Variants in PRKDC observed in about 807,000 individuals in gnomAD.
PRKDC encodes protein kinase, DNA-activated, catalytic subunit.
In PRKDC, 82 loss-of-function variants were observed where a neutral mutation model predicts 486.9. That is an observed-to-expected ratio of 0.17 (90% CI 0.14 to 0.20). The LOEUF is 0.20. Among genes scored for constraint, PRKDC ranks in the 10% least tolerant of loss-of-function variants. PRKDC has a pLI of 1.00. For synonymous variants in PRKDC, 1,895 were observed against 1,837.0 expected, an observed-to-expected ratio of 1.03 and a Z score of -0.81; for missense variants, 4,504 against 5,038.2, an observed-to-expected ratio of 0.89 and a Z score of 3.21.
intron 40 of PRKDC, among the ~76,000 whole-genome samples, chr8:47,870,834 A>G (rs1041357246): frequency 2.6e-5 from 4 of 152,200 alleles, no homozygotes; most frequent in Admixed American, 2.0e-4. Flanking sequence ...ATTCAACATA[A>G]TACAGAAAAG....
In PRKDC at chr8:47,774,243, C is replaced by T; in HGVS notation, c.12317G>A (p.Cys4106Tyr). The T allele has an allele frequency of 1.2e-6, 2 of 1,605,118 alleles. No individual in the cohort carries two copies. The highest frequency in any genetic ancestry group is 1.7e-6 in the Non-Finnish European group (2 of 1,175,932). Reference protein sequence around the residue: ...SGLSEETQVKCLMDQATDPNI... With the variant: ...SGLSEETQVKYLMDQATDPNI... ...GGGGTCTGTTGCCTGGTCCATCAGG[C>T]ACTTCACTTGAGTCTCTTCTGAAAG... Residue 4106 changes from cysteine (C) to tyrosine (Y), a missense_variant, in exon 86 of 86, where the codon TGC (cysteine) becomes TAC (tyrosine). This residue lies in a region of PRKDC where 706 missense variants were observed against 945.0 expected (regional missense o/e 0.75). Transcript: ENST00000314191.
Position 47,879,523 on chromosome 8 carries a change from G to T in PRKDC, c.5203C>A (p.Arg1735=). The part of the protein sequence containing the change: ...QSREFPPGTP[R]FNNYVDCMKK... Reference sequence around the variant, plus strand: ...ATGCAGTCCACATAATTATTGAACCGCGGAGTTCCTGGAGGAAATTCCCTG... The same window carrying T: ...ATGCAGTCCACATAATTATTGAACCTCGGAGTTCCTGGAGGAAATTCCCTG... Residue 1735 remains arginine, a synonymous_variant, in exon 39 of 86, where the codon CGG becomes AGG. Coordinates refer to ENST00000314191, the MANE Select transcript of PRKDC (RefSeq NM_006904.7). The T allele has an allele frequency of 6.3e-7, 1 of 1,596,544 alleles. No homozygotes were observed. The highest frequency in any genetic ancestry group is 1.7e-5 in the Admixed American group (1 of 57,386).
Position 47,799,306 on chromosome 8 carries a change from A to G in PRKDC, c.10201T>C (p.Trp3401Arg). The change falls in exon 72 of 86, where the codon TGG (tryptophan) becomes CGG (arginine). Residue 3401 changes from tryptophan to arginine, a missense_variant. This residue lies in a region of PRKDC where 706 missense variants were observed against 945.0 expected (regional missense o/e 0.75). Transcript: ENST00000314191. ...ACCCCAGCTGCAGGCCCACAGCTCC[A>G]GGAGGGAGGCTGGGCCTCCTCCTCA... ...AAEEEAQPPS[W>R]SCGPAAGVID... The G allele has an allele frequency of 1.2e-6, 2 of 1,613,490 alleles. No homozygotes were observed.
rs1479450825 is a variant in PRKDC, at chr8:47,823,939, T to C, written c.8841A>G (p.Ile2947Met). ...DVLRGIFTSE[I>M]GTKQITQSAL... is the part of the protein sequence containing the mutation. ...CACTCTGAGTGATTTGCTTTGTTCC[T>C]ATCTCACTGGTAAAAATCCCACGGA... is the stretch of plus-strand genomic sequence containing the variant. Residue 2947 changes from isoleucine (I) to methionine (M), a missense_variant, in exon 64 of 86, where the codon ATA becomes ATG. Around this residue, in one of 6 missense-constraint regions of PRKDC, gnomAD observed 1,592 missense variants for 1,724.6 expected, o/e 0.92. Coordinates refer to ENST00000314191, the MANE Select transcript of PRKDC (RefSeq NM_006904.7). 5 of 1,613,812 alleles carry C rather than the reference T, an allele frequency of 3.1e-6. No individual in the cohort carries two copies. Among genetic ancestry groups the C allele is most frequent in the African/African-American group, 1.3e-5 (1 of 75,062 alleles).
intron 39 of PRKDC, 114 bp downstream of exon 39, chr8:47,879,377 G>T (rs2089158291): frequency 3.3e-6 from 3 of 906,030 alleles, no homozygotes; most frequent in Non-Finnish European, 4.9e-6. Context: ...TAACCTATTG[G>T]GTGGTTTACA....
chr8:47,905,066 T>C, intron 25 of PRKDC, 90 bp from the exon 26 acceptor site: 6 of 895,776 alleles, frequency 6.7e-6, no homozygotes, highest in Non-Finnish European at 8.7e-6. Flanking sequence ...ATTTGCAGTA[T>C]AAAATTAAGT....
At chr8:47,894,795 T>A (rs1168135138) in intron 30 of PRKDC, among the ~76,000 whole-genome samples, 2 of 152,124 alleles carry the variant, frequency 1.3e-5, no homozygotes, top group Non-Finnish European at 2.9e-5. Context: ...GGAAGCTAGA[T>A]GCAATGGCTT....
At chr8:47,778,362 G>A (rs1046886298) in intron 83 of PRKDC, 97 bp downstream of exon 83, 1 of 1,302,260 alleles carries the variant, frequency 7.7e-7, no homozygotes, top group Non-Finnish European at 1.0e-6. Context: ...TAACTAATAT[G>A]TTGTTTTTCC....
rs1479536282 is a variant in PRKDC, at chr8:47,960,047, G to A, written c.80C>T (p.Ala27Val). The change falls in exon 1 of 86, where the codon GCT becomes GTT. Residue 27 changes from alanine to valine, a missense_variant. By Grantham distance (64) the Ala-to-Val change is moderately conservative. Around this residue, in one of 6 missense-constraint regions of PRKDC, gnomAD observed 145 missense variants for 136.3 expected, o/e 1.06. Transcript: ENST00000314191. ...GATCAGTTGATGACCGGCCAGGGCA[G>A]CACCGCAGCGGTCCGCAGCGGACAA... ...ETLSAADRCG[A>V]ALAGHQLIRG... 1.3e-6 allele frequency: 2 copies of A among 1,533,294 alleles called. No individual in the cohort carries two copies. Among genetic ancestry groups the A allele is most frequent in the South Asian group, 1.2e-5 (1 of 83,968 alleles). The allele number at this position is 1,533,294 out of a possible 1,614,324, so 95.0% of individuals were successfully genotyped here.
At chr8:47,888,882 G>T in intron 33 of PRKDC, 132 bp downstream of exon 33, 2 of 1,087,292 alleles carry the variant, frequency 1.8e-6, no homozygotes, top group Non-Finnish European at 2.6e-6. Flanking sequence ...CAACTATTGA[G>T]GTCACTGGCA....
intron 7 of PRKDC, among the ~76,000 whole-genome samples, chr8:47,951,768 A>G (rs1332507394): frequency 1.3e-5 from 2 of 152,218 alleles, no homozygotes; most frequent in Non-Finnish European, 2.9e-5. Context: ...CTCAACAAAA[A>G]GTCAAACAAA....
In PRKDC at chr8:47,834,220, C is replaced by T. The variant is rs775814213; in HGVS notation, c.8128G>A (p.Asp2710Asn). Residue 2710 changes from aspartate to asparagine, a missense_variant, in exon 59 of 86, where the codon GAC (aspartate) becomes AAC (asparagine). Physicochemically the swap from Asp to Asn is conservative, Grantham distance 23. Coordinates refer to ENST00000314191, the MANE Select transcript of PRKDC (RefSeq NM_006904.7). ...CCTTTCACTTTGTTATCCACCTCGT[C>T]CCCTGGAAGGCCCAGCCTTTTTTTC... ...FGKKRLGLPG[D>N]EVDNKVKGAA... 10 of 1,614,034 alleles carry T rather than the reference C, an allele frequency of 6.2e-6. No homozygotes were observed. In the South Asian group the frequency reaches 1.1e-4, roughly 18 times the overall value.
intron 5 of PRKDC, among the ~76,000 whole-genome samples, 192 bp downstream of exon 5, chr8:47,954,146 G>T (rs1223656486): frequency 6.6e-6 from 1 of 151,940 alleles, no homozygotes; most frequent in African/African-American, 2.4e-5. Context: ...GAATAATTTT[G>T]TAAAAATTAA....
chr8:47,954,026 T>C (rs1421937673), intron 5 of PRKDC, 107 bp from the exon 6 acceptor site: 4 of 650,840 alleles, frequency 6.1e-6, no homozygotes, highest in Non-Finnish European at 7.4e-6. Context: ...CAAAATTGAT[T>C]TTACAGTAAG....
intron 50 of PRKDC, 147 bp downstream of exon 50, chr8:47,855,075 C>T (rs2154500424): frequency 1.1e-6 from 1 of 894,402 alleles, no homozygotes. Flanking sequence ...GTGCCACACT[C>T]TGGAGGCTGT....
intron 73 of PRKDC, among the ~76,000 whole-genome samples, chr8:47,796,794 G>T (rs1023303801): frequency 6.6e-6 from 1 of 151,902 alleles, no homozygotes; most frequent in Admixed American, 6.6e-5. Flanking sequence ...GGGTTTCACC[G>T]TGTTGGCCAG....
chr8:47,861,327 T>G (rs564144820), intron 44 of PRKDC, among the ~76,000 whole-genome samples: 1 of 152,256 alleles, frequency 6.6e-6, no homozygotes, highest in African/African-American at 2.4e-5. Flanking sequence ...TGCTTGTAAT[T>G]GTTGTAAAAT....
chr8:47,814,901 G>A (rs1240904970), intron 68 of PRKDC, among the ~76,000 whole-genome samples: 1 of 152,206 alleles, frequency 6.6e-6, no homozygotes. Context: ...CATGGTTCAT[G>A]CCTGTAATCC....
At chr8:47,815,624 T>C (rs549242204) in intron 68 of PRKDC, among the ~76,000 whole-genome samples, 5 of 152,242 alleles carry the variant, frequency 3.3e-5, no homozygotes, top group Non-Finnish European at 5.9e-5. Context: ...TGAGTCTTTA[T>C]TGATAATCTT....
Sources: allele counts gnomAD v4.1 joint callset (sites outside exome capture counted in the v4.1 genomes callset), GRCh38; gene constraint gnomAD v4.1.1; regional missense constraint gnomAD v4.1.1; transcripts MANE v1.5; gene names NCBI Gene and HGNC (gene_info 2026-07-23, HGNC 2026-07-21).